Variants in CTNND2 observed in about 807,000 individuals in gnomAD.
CTNND2 encodes the protein catenin delta-2.
In CTNND2, 22 loss-of-function variants were observed where a neutral mutation model predicts 144.4. The observed-to-expected ratio is 0.15, with a 90% CI of 0.11 to 0.22. The LOEUF (loss-of-function observed/expected upper bound fraction) is 0.22. Ranked by LOEUF, CTNND2 falls within the 10% of genes least tolerant of loss-of-function variation. CTNND2 has a pLI of 1.00. For synonymous variants in CTNND2, 751 were observed against 695.6 expected, an observed-to-expected ratio of 1.08 and a Z score of -1.25; for missense variants, 1,353 against 1,618.8, an observed-to-expected ratio of 0.84 and a Z score of 2.82.
chr5:11,701,369 A>C (rs970594162), intron 2 of CTNND2, among the ~76,000 whole-genome samples: 1 of 152,218 alleles, frequency 6.6e-6, no homozygotes, highest in Admixed American at 6.5e-5. Flanking sequence ...ACGTGCATGA[A>C]GTATAAGTAA....
chr5:11,078,843 C>T (rs1364116446), intron 16 of CTNND2, among the ~76,000 whole-genome samples: 2 of 152,114 alleles, frequency 1.3e-5, no homozygotes, highest in African/African-American at 2.4e-5. Flanking sequence ...TTTAGATATA[C>T]CAGATCTACA....
intron 2 of CTNND2, among the ~76,000 whole-genome samples, chr5:11,679,893 C>CTAG (rs1192917103): frequency 6.6e-6 from 1 of 152,220 alleles, no homozygotes; most frequent in Non-Finnish European, 1.5e-5. Context: ...AACCAAACAG[C>CTAG]TAGTAACACA....
intron 7 of CTNND2, among the ~76,000 whole-genome samples, chr5:11,368,559 T>C (rs1016365360): frequency 1.3e-5 from 2 of 152,206 alleles, no homozygotes; most frequent in Non-Finnish European, 2.9e-5. Context: ...AATCCTTGGC[T>C]CTCATTTCCA....
intron 3 of CTNND2, among the ~76,000 whole-genome samples, chr5:11,544,845 G>A (rs60936317): frequency 0.24 from 37,128 of 151,886 alleles, 5,475 homozygotes; most frequent in African/African-American, 0.42. Flanking sequence ...TTAGCCGGGC[G>A]TGGTGGCTCA....
At chr5:11,678,758 A>T (rs992054590) in intron 2 of CTNND2, among the ~76,000 whole-genome samples, 5 of 152,178 alleles carry the variant, frequency 3.3e-5, no homozygotes, top group African/African-American at 1.2e-4. Flanking sequence ...TATTAAGAGT[A>T]TGGCAAGTTA....
rs1204824199 is a variant in CTNND2 at position 11,375,922 on chromosome 5, G to A, written c.1177+8743C>T. Among the ~76,000 whole-genome samples, 6 of 152,000 alleles carry A rather than the reference G, an allele frequency of 3.9e-5. No homozygotes were observed. In the East Asian group the frequency reaches 5.8e-4, roughly 15 times the overall value. ...GGGTCTAAATGTTTGTGCTCTCCTCGCCCCCCGATTATGTTGAAAGCTAAC... is the reference window on the plus strand; with the variant it reads ...GGGTCTAAATGTTTGTGCTCTCCTCACCCCCCGATTATGTTGAAAGCTAAC... On this transcript the variant is annotated intron_variant, in intron 7 of 21. Transcript: ENST00000304623.
intron 17 of CTNND2, 31 bp downstream of exon 17, chr5:11,022,738 G>A: frequency 1.3e-6 from 2 of 1,577,792 alleles, no homozygotes; most frequent in Non-Finnish European, 1.7e-6. Flanking sequence ...ATTTTACCAG[G>A]ACAGAGATAT....
intron 3 of CTNND2, among the ~76,000 whole-genome samples, chr5:11,523,166 G>A (rs1772911962): frequency 6.6e-6 from 1 of 152,098 alleles, no homozygotes; most frequent in Admixed American, 6.5e-5. Flanking sequence ...AATTATGGAG[G>A]AAACGATCAG....
At chr5:11,070,194 T>C (rs1478811192) in intron 16 of CTNND2, among the ~76,000 whole-genome samples, 2 of 152,232 alleles carry the variant, frequency 1.3e-5, no homozygotes, top group Admixed American at 1.3e-4. Context: ...CTGTGATATA[T>C]TTGTTAAATT....
At chr5:11,126,527 C>A (rs76254229) in intron 12 of CTNND2, among the ~76,000 whole-genome samples, 1 of 152,094 alleles carries the variant, frequency 6.6e-6, no homozygotes, top group Non-Finnish European at 1.5e-5. Context: ...TTCTTCCATA[C>A]GCAATGCTAA....
intron 2 of CTNND2, among the ~76,000 whole-genome samples, chr5:11,662,130 CATATATGTATATATACACAT>C (rs1423227402): frequency 0.011 from 1,412 of 125,786 alleles, 19 homozygotes; most frequent in African/African-American, 0.049. Context: ...TATATATATA[CATATATGTATATATACACAT>C]ATATATGTGT....
intron 2 of CTNND2, among the ~76,000 whole-genome samples, chr5:11,605,213 G>C (rs1779986355): frequency 6.6e-6 from 1 of 152,220 alleles, no homozygotes; most frequent in Non-Finnish European, 1.5e-5. Context: ...AAGAGGCACA[G>C]CAGTGCCCAC....
chr5:11,813,200 T>C (rs918429648), intron 1 of CTNND2, among the ~76,000 whole-genome samples: 2 of 152,234 alleles, frequency 1.3e-5, no homozygotes, highest in Admixed American at 6.5e-5. Context: ...AGTAGTATAC[T>C]GTACAGATAT....
chr5:11,509,887 AC>A (rs1170192880), intron 3 of CTNND2, among the ~76,000 whole-genome samples: 60 of 152,304 alleles, frequency 3.9e-4, no homozygotes, highest in African/African-American at 1.4e-3. Flanking sequence ...ACTTTTAGGA[AC>A]AGAATCAAAG....
chr5:11,473,053 G>A (rs573879837), intron 3 of CTNND2, among the ~76,000 whole-genome samples: 37 of 152,124 alleles, frequency 2.4e-4, no homozygotes, highest in Non-Finnish European at 5.1e-4. Context: ...CTGGGTGACA[G>A]AGCAAAACTC....
At chr5:11,391,875 G>A (rs899896334) in intron 6 of CTNND2, among the ~76,000 whole-genome samples, 11 of 152,170 alleles carry the variant, frequency 7.2e-5, no homozygotes, top group Non-Finnish European at 1.3e-4. Flanking sequence ...CTGAAAGGTG[G>A]TGTCCACAAC....
At chr5:11,381,779 A>G (rs1419381478) in intron 7 of CTNND2, among the ~76,000 whole-genome samples, 1 of 152,254 alleles carries the variant, frequency 6.6e-6, no homozygotes, top group East Asian at 1.9e-4. Flanking sequence ...CATCCTGGCT[A>G]ACACGGTGAA....
At chr5:11,127,591 G>A (rs1045343664) in intron 12 of CTNND2, among the ~76,000 whole-genome samples, 4 of 152,158 alleles carry the variant, frequency 2.6e-5, no homozygotes, top group African/African-American at 9.7e-5. Flanking sequence ...GCATTGGCTG[G>A]GCTGGGTTTC....
intron 9 of CTNND2, among the ~76,000 whole-genome samples, chr5:11,240,169 A>AAC (rs1242476863): frequency 8.3e-6 from 1 of 120,100 alleles, no homozygotes; most frequent in Admixed American, 8.9e-5. Flanking sequence ...CACACACACC[A>AAC]ACACACACAC....
Sources: allele counts gnomAD v4.1 joint callset (sites outside exome capture counted in the v4.1 genomes callset), GRCh38; gene constraint gnomAD v4.1.1; transcripts MANE v1.5; gene names NCBI Gene and HGNC (gene_info 2026-07-23, HGNC 2026-07-21).